Variants in WDR62 observed in about 807,000 individuals in gnomAD.
WDR62 encodes WD repeat domain 62.
A neutral mutation model predicts 160.6 loss-of-function variants in WDR62; 112 were observed. The ratio of observed to expected loss-of-function variants is 0.70; its 90% CI spans 0.60 to 0.82. WDR62 has a LOEUF of 0.82. Ranked by LOEUF, WDR62 falls within the 40% of genes least tolerant of loss-of-function variation. The pLI is 0.00. For synonymous variants in WDR62, 792 were observed against 815.1 expected, an observed-to-expected ratio of 0.97 and a Z score of 0.48; for missense variants, 1,819 against 1,983.8, an observed-to-expected ratio of 0.92 and a Z score of 1.58.
chr19:36,083,723 G>A (rs545881412), intron 11 of WDR62, among the ~76,000 whole-genome samples: 1 of 152,210 alleles, frequency 6.6e-6, no homozygotes, highest in East Asian at 1.9e-4. Context: ...CTGGGACCAG[G>A]TTTAAGATGA....
intron 15 of WDR62, 37 bp from the exon 16 acceptor site, chr19:36,090,408 G>A (rs1041515150): frequency 8.1e-6 from 13 of 1,605,502 alleles, no homozygotes; most frequent in Non-Finnish European, 1.1e-5. Context: ...GGGGTAGGCG[G>A]GGCCCTGTTG....
intron 8 of WDR62, among the ~76,000 whole-genome samples, chr19:36,072,710 C>T (rs527955254): frequency 1.3e-5 from 2 of 152,196 alleles, no homozygotes; most frequent in African/African-American, 4.8e-5. Context: ...GGCGAGCAAC[C>T]CACAGGCAGT....
In WDR62 at chr19:36,092,722, C is replaced by G. The variant is rs927238347; in HGVS notation, c.2244C>G (p.Ile748Met). 1.9e-6 allele frequency: 3 copies of G among 1,614,084 alleles called. No homozygotes were observed. Among genetic ancestry groups the G allele is most frequent in the Non-Finnish European group, 2.5e-6 (3 of 1,180,034 alleles). Residue 748 changes from isoleucine to methionine, a missense_variant, in exon 19 of 32, where the codon ATC becomes ATG. Ile to Met is a conservative substitution (Grantham distance 10, BLOSUM62 1). Transcript: ENST00000401500. ...CVFIWHLGPE[I>M]TNCMKQHLLE... ...TCATCTGGCACCTGGGCCCGGAGATCACCAACTGCATGAAGCAGCACTTGC... is the reference window on the plus strand; with the variant it reads ...TCATCTGGCACCTGGGCCCGGAGATGACCAACTGCATGAAGCAGCACTTGC...
chr19:36,080,669 G>A (rs1458761702), intron 9 of WDR62, among the ~76,000 whole-genome samples: 1 of 151,146 alleles, frequency 6.6e-6, no homozygotes, highest in Non-Finnish European at 1.5e-5. Flanking sequence ...TGTTGAGGCT[G>A]GTCTCAAACT....
downstream of WDR62, among the ~76,000 whole-genome samples, chr19:36,108,366 GCTT>G (rs1443154220): frequency 1.3e-5 from 2 of 151,232 alleles, no homozygotes; most frequent in Non-Finnish European, 2.9e-5. Flanking sequence ...CTCCCCCCCT[GCTT>G]CTACCCCCAC....
intron 20 of WDR62, among the ~76,000 whole-genome samples, chr19:36,096,802 C>T (rs1162181748): frequency 6.6e-6 from 1 of 152,162 alleles, no homozygotes; most frequent in Non-Finnish European, 1.5e-5. Context: ...TGTCCCCACA[C>T]TTTTCCTGCC....
At chr19:36,083,266 G>T in intron 11 of WDR62, 25 bp downstream of exon 11, 2 of 1,575,534 alleles carry the variant, frequency 1.3e-6, no homozygotes, top group Non-Finnish European at 1.7e-6. Context: ...GCAGTGTCCA[G>T]TGTACACCTC....
intron 5 of WDR62, 71 bp downstream of exon 5, chr19:36,066,498 G>A: frequency 2.0e-6 from 3 of 1,523,838 alleles, no homozygotes; most frequent in Non-Finnish European, 2.7e-6. Context: ...GGCACAGGGA[G>A]AGCTACATGA....
intron 16 of WDR62, among the ~76,000 whole-genome samples, 158 bp downstream of exon 16, chr19:36,090,678 G>T (rs546462754): frequency 6.6e-6 from 1 of 152,196 alleles, no homozygotes; most frequent in Non-Finnish European, 1.5e-5. Context: ...GAGAGGGTGG[G>T]GAGGGTGACC....
Position 36,102,064 on chromosome 19 carries a change from G to A in WDR62, c.3133G>A (p.Val1045Ile), listed in dbSNP as rs563536911. The change falls in exon 26 of 32, where the codon GTC becomes ATC. Residue 1045 changes from valine to isoleucine, a missense_variant. By Grantham distance (29) the Val-to-Ile change is conservative. Coordinates refer to ENST00000401500, the MANE Select transcript of WDR62 (RefSeq NM_001083961.2). ...DELSLPEGPS[V>I]PSSSLPQTPE... ...GCTGTCCCTGCCCGAGGGACCCAGC[G>A]TCCCCAGCAGCTCCCTACCCCAGAC... 27 of 1,614,136 alleles carry A rather than the reference G, an allele frequency of 1.7e-5. No homozygotes were observed. The African/African-American group carries it at 2.0e-4, about 12-fold the overall frequency.
intron 3 of WDR62, 140 bp downstream of exon 3, chr19:36,060,170 T>G: frequency 1.1e-6 from 1 of 876,936 alleles, no homozygotes; most frequent in Non-Finnish European, 1.9e-6. Context: ...TCGCCTGTGC[T>G]GGGTGCTGTT....
intron 8 of WDR62, among the ~76,000 whole-genome samples, chr19:36,072,476 A>G (rs1971350761): frequency 6.6e-6 from 1 of 152,120 alleles, no homozygotes. Flanking sequence ...CAGGCCTTAC[A>G]TGTTAGGTCC....
Position 36,086,629 on chromosome 19 carries a change from G to A in WDR62, c.1643-58G>A, listed in dbSNP as rs1409838499. The A allele has an allele frequency of 1.9e-6, 3 of 1,557,902 alleles. No homozygotes were observed. The African/African-American group carries it at 4.1e-5, about 21-fold the overall frequency. Reference sequence around the variant, plus strand: ...GGCAGCTTGGTCACACTGCCCTTCTGGGAGGCCAGGGCACCCACGCAGCCT... The same window carrying A: ...GGCAGCTTGGTCACACTGCCCTTCTAGGAGGCCAGGGCACCCACGCAGCCT... On this transcript the variant is annotated intron_variant, in intron 12 of 31. Coordinates refer to ENST00000401500, the MANE Select transcript of WDR62 (RefSeq NM_001083961.2).
rs1375761244 is a variant in WDR62, at chr19:36,094,250, C to T, written c.2467+86C>T. On this transcript the variant is annotated intron_variant, in intron 20 of 31. Transcript: ENST00000401500. Reference sequence around the variant, plus strand: ...CCATGACCTTGTTTACAGGGCCTGGCACATATTAAAACTCAGGAGTCGACA... The same window carrying T: ...CCATGACCTTGTTTACAGGGCCTGGTACATATTAAAACTCAGGAGTCGACA... The T allele has an allele frequency of 1.1e-5, 17 of 1,564,836 alleles. No individual in the cohort carries two copies. The East Asian group carries it at 3.4e-4, about 31-fold the overall frequency.
At chr19:36,101,524 C>T (rs1464575787) in intron 24 of WDR62, 140 bp from the exon 25 acceptor site, 4 of 804,156 alleles carry the variant, frequency 5.0e-6, no homozygotes, top group Non-Finnish European at 8.4e-6. Flanking sequence ...GTGGAACTTC[C>T]CTTATTCATA....
At position 36,101,708 on chromosome 19, in the gene WDR62, A is replaced by G. The variant is rs1419823639; in HGVS notation, c.3016A>G (p.Ile1006Val). The change falls in exon 25 of 32, where the codon ATC becomes GTC. Residue 1006 changes from isoleucine (I) to valine (V), a missense_variant. Coordinates refer to ENST00000401500, the MANE Select transcript of WDR62 (RefSeq NM_001083961.2). ...CGACCTGGAGTGCAGCTTCGCAGCC[A>G]TCCACTCCCCAGCTCCGCCTCCTGA... ...EADLECSFAAIHSPAPPPDPA... is the reference protein window; with the variant it reads ...EADLECSFAAVHSPAPPPDPA... 1 of 1,551,262 alleles carries G rather than the reference A, an allele frequency of 6.4e-7. No individual in the cohort carries two copies. The highest frequency in any genetic ancestry group is 8.7e-7 in the Non-Finnish European group (1 of 1,147,022).
intron 12 of WDR62, 75 bp downstream of exon 12, chr19:36,084,819 G>T (rs1483694470): frequency 1.4e-6 from 2 of 1,384,364 alleles, no homozygotes; most frequent in Non-Finnish European, 2.0e-6. Flanking sequence ...GAAAGGGGTA[G>T]TTGGTGTCTG....
At chr19:36,074,321 T>C (rs2145647736) in intron 9 of WDR62, 1 of 152,462 alleles carries the variant, frequency 6.6e-6, no homozygotes, top group East Asian at 1.9e-4. Context: ...AAAAAAAGTT[T>C]TGAAGTTTTT....
chr19:36,062,767 A>T (rs145323092), intron 3 of WDR62: 2 of 152,122 alleles, frequency 1.3e-5, no homozygotes, highest in East Asian at 3.9e-4. Context: ...TCAGGAAATG[A>T]AAATTGATAT....
Sources: allele counts gnomAD v4.1 joint callset (sites outside exome capture counted in the v4.1 genomes callset), GRCh38; gene constraint gnomAD v4.1.1; transcripts MANE v1.5; gene names NCBI Gene and HGNC (gene_info 2026-07-23, HGNC 2026-07-21).